Variants in VPS8 observed in about 807,000 individuals in gnomAD.
The protein encoded by VPS8 is VPS8 subunit of CORVET complex.
VPS8 carries 129 observed loss-of-function variants against 216.4 expected under a neutral mutation model. The observed-to-expected ratio is 0.60, with a 90% CI of 0.52 to 0.69. The LOEUF is 0.69. VPS8 is among the 30% of genes least tolerant of loss of function. The pLI is 0.00. For synonymous variants in VPS8, 571 were observed against 565.4 expected (o/e 1.01, Z -0.14); for missense variants, 1,531 against 1,683.5 (o/e 0.91, Z 1.59).
rs1182215676 is a variant in VPS8, at chr3:184,869,010, A to G, written c.1571A>G (p.His524Arg). 1.2e-6 allele frequency: 2 copies of G among 1,609,184 alleles called. No individual in the cohort carries two copies. The highest frequency in any genetic ancestry group is 1.7e-6 in the Non-Finnish European group (2 of 1,177,840). ...GCGTTGGCTCTTGCGTGGTCTTTCC[A>G]TGAAGGAAAAGCAAAAGCAGTAGTG... ...TEALALAWSFHEGKAKAVVGL... is the reference protein window; with the variant it reads ...TEALALAWSFREGKAKAVVGL... The change falls in exon 19 of 48, where the codon CAT becomes CGT. Residue 524 changes from histidine to arginine, a missense_variant. Coordinates refer to ENST00000625842, the MANE Select transcript of VPS8 (RefSeq NM_001009921.3).
At chr3:184,824,412 A>G (rs1430560336) in intron 1 of VPS8, 133 bp from the exon 2 acceptor site, 1 of 526,726 alleles carries the variant, frequency 1.9e-6, no homozygotes, top group Non-Finnish European at 3.4e-6. Flanking sequence ...CCCCACTGTT[A>G]ATTTCAGTTT....
intron 5 of VPS8, 72 bp from the exon 6 acceptor site, chr3:184,838,642 C>A: frequency 8.0e-7 from 1 of 1,245,490 alleles, no homozygotes; most frequent in Admixed American, 2.7e-5. Flanking sequence ...ATATGTAAAG[C>A]AAGAGCCATA....
At chr3:184,870,616 A>G (rs912032925) in intron 20 of VPS8, 100 bp from the exon 21 acceptor site, 11 of 941,986 alleles carry the variant, frequency 1.2e-5, no homozygotes, top group African/African-American at 1.7e-5. Flanking sequence ...TTAAATTTTA[A>G]TAACAAATTC....
intron 29 of VPS8, 84 bp downstream of exon 29, chr3:184,920,282 C>A: frequency 1.1e-6 from 1 of 921,662 alleles, no homozygotes; most frequent in Non-Finnish European, 1.5e-6. Context: ...ATAAAATAAT[C>A]TTGTTAAGTG....
intron 43 of VPS8, among the ~76,000 whole-genome samples, chr3:184,995,909 T>C (rs915967715): frequency 3.0e-4 from 45 of 152,328 alleles, no homozygotes; most frequent in African/African-American, 9.9e-4. Flanking sequence ...GAATGCAGTT[T>C]CAGTAAAAAA....
In VPS8 at chr3:184,832,836, A is replaced by G. The variant is rs747257054; in HGVS notation, c.353+17A>G. On this transcript the variant is annotated intron_variant, in intron 4 of 47. Coordinates refer to ENST00000625842, the MANE Select transcript of VPS8 (RefSeq NM_001009921.3). ...CTTAAAAAGGTAGGTATTCATGTCA[A>G]TCATACTTGCTTACAGTTGAAGTAT... The G allele has an allele frequency of 8.7e-6, 14 of 1,600,520 alleles. No individual in the cohort carries two copies. The South Asian group carries it at 1.2e-4, about 14-fold the overall frequency.
intron 22 of VPS8, among the ~76,000 whole-genome samples, chr3:184,890,481 TAAAC>T (rs1305697401): frequency 1.3e-5 from 2 of 152,106 alleles, no homozygotes; most frequent in African/African-American, 4.8e-5. Flanking sequence ...GGTGAAATTA[TAAAC>T]ATAATACATG....
At chr3:185,013,460 T>C (rs1755334711) in intron 45 of VPS8, among the ~76,000 whole-genome samples, 1 of 152,238 alleles carries the variant, frequency 6.6e-6, no homozygotes, top group African/African-American at 2.4e-5. Context: ...TCCATTTTAA[T>C]GGGTTACTAG....
At chr3:184,864,401 G>A (rs894139102) in intron 16 of VPS8, among the ~76,000 whole-genome samples, 8 of 152,184 alleles carry the variant, frequency 5.3e-5, no homozygotes, top group Non-Finnish European at 1.0e-4. Context: ...TTGCAAGAGA[G>A]AGTACTGGAG....
intron 37 of VPS8, among the ~76,000 whole-genome samples, chr3:184,962,691 CTTCTGT>C (rs1471545748): frequency 6.7e-6 from 1 of 148,888 alleles, no homozygotes; most frequent in Non-Finnish European, 1.5e-5. Context: ...CTTTTAGTGA[CTTCTGT>C]TTTAGTTTAC....
intron 14 of VPS8, among the ~76,000 whole-genome samples, 196 bp downstream of exon 14, chr3:184,856,014 T>C (rs1725187270): frequency 6.6e-6 from 1 of 152,242 alleles, no homozygotes; most frequent in East Asian, 1.9e-4. Context: ...TCTCATGGTT[T>C]ATTTCTCAGC....
chr3:185,039,957 C>A (rs910008009), intron 46 of VPS8, among the ~76,000 whole-genome samples: 4 of 152,094 alleles, frequency 2.6e-5, no homozygotes, highest in Admixed American at 6.5e-5. Context: ...TCAAGAATTT[C>A]TGTTAGTCGT....
chr3:184,997,434 A>G (rs1193776928), intron 44 of VPS8, among the ~76,000 whole-genome samples: 1 of 152,254 alleles, frequency 6.6e-6, no homozygotes, highest in Non-Finnish European at 1.5e-5. Flanking sequence ...GGCATGAGTA[A>G]GCACTATCTG....
intron 35 of VPS8, among the ~76,000 whole-genome samples, chr3:184,938,610 A>G (rs945503298): frequency 2.0e-5 from 3 of 151,124 alleles, no homozygotes; most frequent in Non-Finnish European, 2.9e-5. Flanking sequence ...TAAGATTTAA[A>G]ATGATCACTT....
chr3:184,901,140 A>G (rs879583683), intron 25 of VPS8, 168 bp downstream of exon 25: 7 of 629,972 alleles, frequency 1.1e-5, no homozygotes, highest in African/African-American at 9.5e-5. Flanking sequence ...TTCTCACACT[A>G]AAAAGTTTCC....
intron 44 of VPS8, among the ~76,000 whole-genome samples, chr3:184,998,627 A>G (rs1283524219): frequency 1.3e-5 from 2 of 151,832 alleles, no homozygotes; most frequent in African/African-American, 4.8e-5. Flanking sequence ...AATGTCCGAC[A>G]TTTTAGATTA....
chr3:184,829,842 T>C (rs940131909), intron 3 of VPS8, among the ~76,000 whole-genome samples: 38 of 152,358 alleles, frequency 2.5e-4, no homozygotes, highest in African/African-American at 8.9e-4. Context: ...CCTTTTCATA[T>C]AATTAGCCCA....
intron 4 of VPS8, among the ~76,000 whole-genome samples, chr3:184,833,925 T>G (rs577131649): frequency 6.6e-6 from 1 of 152,364 alleles, no homozygotes; most frequent in African/African-American, 2.4e-5. Flanking sequence ...GAGTTACTTC[T>G]CAGCCCCTCA....
At chr3:184,966,817 A>T in intron 39 of VPS8, 104 bp downstream of exon 39, 1 of 751,134 alleles carries the variant, frequency 1.3e-6, no homozygotes, top group Non-Finnish European at 2.0e-6. Flanking sequence ...ACTTGCATAT[A>T]TGCATAATTA....
Sources: allele counts gnomAD v4.1 joint callset (sites outside exome capture counted in the v4.1 genomes callset), GRCh38; gene constraint gnomAD v4.1.1; transcripts MANE v1.5; gene names NCBI Gene and HGNC (gene_info 2026-07-23, HGNC 2026-07-21).